The following SEPTIN4 variants were observed in gnomAD, a reference collection of about 807,000 sequenced individuals.
SEPTIN4 encodes the protein septin-4.
SEPTIN4 carries 52 observed loss-of-function variants against 107.1 expected under a neutral mutation model. The ratio of observed to expected loss-of-function variants is 0.49; its 90% CI spans 0.39 to 0.61. The LOEUF is 0.61. Among genes scored for constraint, SEPTIN4 ranks in the 20% least tolerant of loss-of-function variants. The pLI is 0.00. For synonymous variants in SEPTIN4, 417 were observed against 467.0 expected, an observed-to-expected ratio of 0.89 and a Z score of 1.38; for missense variants, 1,048 against 1,243.5, an observed-to-expected ratio of 0.84 and a Z score of 2.36.
intron 3 of SEPTIN4, among the ~76,000 whole-genome samples, chr17:58,536,408 G>A (rs1163059190): frequency 3.3e-5 from 5 of 152,238 alleles, no homozygotes; most frequent in Non-Finnish European, 7.3e-5. Context: ...AATAGGTGTA[G>A]AGAGATGGGA....
Position 58,526,697 on chromosome 17 carries a change from G to A in SEPTIN4, c.1896C>T (p.Pro632=), listed in dbSNP as rs756567287. The A allele has an allele frequency of 6.3e-7, 1 of 1,575,992 alleles. No individual in the cohort carries two copies. Among genetic ancestry groups the A allele is most frequent in the South Asian group, 1.2e-5 (1 of 85,388 alleles). The change falls in exon 4 of 14, where the codon CCC becomes CCT. Residue 632 remains proline, a synonymous_variant. Coordinates refer to ENST00000672673, the MANE Select transcript of SEPTIN4 (RefSeq NM_001368771.2). ...RPRSPWGKLD[P]YDSSEDDKEY... is the part of the protein sequence containing the mutation. ...GAGGCTCTACCTCAGAGGAATCATA[G>A]GGATCAAGCTTGCCCCATGGGCTGC...
intron 3 of SEPTIN4, chr17:58,528,063 G>A: frequency 8.1e-6 from 8 of 983,572 alleles, no homozygotes; most frequent in Non-Finnish European, 9.7e-6. Flanking sequence ...GCTCAGCTCT[G>A]CCTCACAATA....
At chr17:58,534,637 C>T (rs1484300105) in intron 3 of SEPTIN4, among the ~76,000 whole-genome samples, 1 of 152,202 alleles carries the variant, frequency 6.6e-6, no homozygotes. Context: ...CATTGATGGC[C>T]TTGACTACAG....
At chr17:58,539,220 G>C in intron 3 of SEPTIN4, 1 of 1,505,484 alleles carries the variant, frequency 6.6e-7, no homozygotes, top group Non-Finnish European at 8.9e-7. Flanking sequence ...TGTAATTATC[G>C]AGACCGGATA....
In SEPTIN4 at chr17:58,544,297, G is replaced by A; in HGVS notation, c.-111C>T. 1 of 1,416,992 alleles carries A rather than the reference G, an allele frequency of 7.1e-7. No individual in the cohort carries two copies. The highest frequency in any genetic ancestry group is 1.4e-5 in the South Asian group (1 of 71,716). The allele number at this position is 1,416,992 out of a possible 1,614,324, so 87.8% of individuals were successfully genotyped here. On this transcript the variant is annotated 5_prime_UTR_variant, in exon 1 of 14. Coordinates refer to ENST00000672673, the MANE Select transcript of SEPTIN4 (RefSeq NM_001368771.2). ...CTGTTTTAAAGCTGCTGTTTCTTGG[G>A]CTCCCACAAAAGTGGCTGTTGTTCT... is the stretch of plus-strand genomic sequence containing the variant.
At position 58,543,999 on chromosome 17, in the gene SEPTIN4, G is replaced by C. The variant is rs531472561; in HGVS notation, c.188C>G (p.Ser63Ter). 28 of 1,613,932 alleles carry C rather than the reference G, an allele frequency of 1.7e-5. No individual in the cohort carries two copies. Among genetic ancestry groups the C allele is most frequent in the Non-Finnish European group, 2.4e-5 (28 of 1,179,882 alleles). ...GACAGATCGAGGGTAGTCTGATGCT[G>C]AATGGGGAGTGGTGGGATGTGCAGC... The part of the protein sequence containing the change: ...SEAAHPTTPH[S>*]ASDYPRSVSL... The change falls in exon 1 of 14, where the codon TCA becomes TGA. Residue 63 changes from serine (S) to a stop codon, truncating the protein, a stop_gained. Coordinates refer to ENST00000672673, the MANE Select transcript of SEPTIN4 (RefSeq NM_001368771.2). LOFTEE classifies it high-confidence loss of function.
intron 7 of SEPTIN4, 88 bp from the exon 8 acceptor site, chr17:58,522,189 G>A: frequency 6.5e-7 from 1 of 1,534,860 alleles, no homozygotes; most frequent in Non-Finnish European, 8.9e-7. Flanking sequence ...CCCACTCCCT[G>A]AGCAGTGTTT....
rs189466054 is a variant in SEPTIN4, at chr17:58,533,249, A to C, written c.1615-6271T>G. Among the ~76,000 whole-genome samples, 8 of 152,276 alleles carry C rather than the reference A, an allele frequency of 5.3e-5. No homozygotes were observed. The East Asian group carries it at 1.5e-3, about 29-fold the overall frequency. Reference sequence around the variant, plus strand: ...CTGGAGATGTTATTGGCTGTTTGGCACTGGTGGACTGGAAGATGGCAGGGT... The same window carrying C: ...CTGGAGATGTTATTGGCTGTTTGGCCCTGGTGGACTGGAAGATGGCAGGGT... On this transcript the variant is annotated intron_variant, in intron 3 of 13. Transcript: ENST00000672673.
At position 58,521,429 on chromosome 17, in the gene SEPTIN4, T is replaced by A. The variant is rs2042257555; in HGVS notation, c.2572-79A>T. On this transcript the variant is annotated intron_variant, in intron 10 of 13. Coordinates refer to ENST00000672673, the MANE Select transcript of SEPTIN4 (RefSeq NM_001368771.2). This position sits in a 1 kb window ranked among gnomAD's most constrained non-coding sequence, Gnocchi z 6.4. Reference sequence around the variant, plus strand: ...CCACCTGTATCGTCATCTTCTCTGCTTCATTCTAGGAAGCCAGGGTCCTTT... The same window carrying A: ...CCACCTGTATCGTCATCTTCTCTGCATCATTCTAGGAAGCCAGGGTCCTTT... 3.2e-6 allele frequency: 5 copies of A among 1,571,352 alleles called. No individual in the cohort carries two copies. Among genetic ancestry groups the A allele is most frequent in the Non-Finnish European group, 4.4e-6 (5 of 1,141,630 alleles).
At chr17:58,524,998 T>A (rs2042687542) in intron 7 of SEPTIN4, 80 bp downstream of exon 7, 3 of 1,581,982 alleles carry the variant, frequency 1.9e-6, no homozygotes, top group Non-Finnish European at 2.6e-6. Context: ...TAAGTATGGA[T>A]ATATCTGGGC....
intron 2 of SEPTIN4, chr17:58,541,699 T>TA (rs1685920519): frequency 5.2e-6 from 7 of 1,337,120 alleles, no homozygotes; most frequent in Non-Finnish European, 7.2e-6. Flanking sequence ...AACTTCCTGT[T>TA]AAAAGGAGAC....
At position 58,521,119 on chromosome 17, in the gene SEPTIN4, T is replaced by C. The variant is rs1046746398; in HGVS notation, c.2710A>G (p.Met904Val). ...GHCDFVKLRT[M>V]LVRTHMQDLK... ...TCCTGCATGTGGGTACGTACCAGCA[T>C]TGTCCTCAGCTTCACAAAGTCGCAG... The change falls in exon 12 of 14, where the codon ATG becomes GTG. Residue 904 changes from methionine to valine, a missense_variant. This residue lies in a region of SEPTIN4 where 261 missense variants were observed against 371.7 expected (regional missense o/e 0.70). Coordinates refer to ENST00000672673, the MANE Select transcript of SEPTIN4 (RefSeq NM_001368771.2). The surrounding 1 kb of genome is among the most constrained non-coding windows in gnomAD (Gnocchi z 6.4). 6.2e-7 allele frequency: 1 copy of C among 1,614,168 alleles called. No homozygotes were observed. Among genetic ancestry groups the C allele is most frequent in the Non-Finnish European group, 8.5e-7 (1 of 1,180,026 alleles).
rs145491268 is a variant in SEPTIN4 at position 58,542,875 on chromosome 17, G to A, written c.1312C>T (p.Pro438Ser). 72 of 1,614,088 alleles carry A rather than the reference G, an allele frequency of 4.5e-5. 1 individual carries two copies. Among genetic ancestry groups the A allele is most frequent in the Middle Eastern group, 1.6e-4 (1 of 6,084 alleles). The change falls in exon 1 of 14, where the codon CCC becomes TCC. Residue 438 changes from proline (P) to serine (S), a missense_variant. By Grantham distance (74) the Pro-to-Ser change is moderately conservative. Around this residue, in one of 2 missense-constraint regions of SEPTIN4, gnomAD observed 787 missense variants for 871.8 expected, o/e 0.90. Transcript: ENST00000672673. ...WPLLNPEVET[P>S]QSQLTTPDFE... ...TCCGGTGTTGTCAGCTGGCTTTGGG[G>A]TGTTTCAACTTCAGGATTCAGCAAG...
rs1318217442 is a variant in SEPTIN4, at chr17:58,536,238, T to G, written c.1614+4428A>C. On this transcript the variant is annotated intron_variant, in intron 3 of 13. Coordinates refer to ENST00000672673, the MANE Select transcript of SEPTIN4 (RefSeq NM_001368771.2). The stretch of plus-strand genomic sequence containing the variant: ...GAAATAGGGAGAATAAATCCACTCA[T>G]AGGTTACTATGAAAACCCACTAATG... Among the ~76,000 whole-genome samples, 2 of 152,210 alleles carry G rather than the reference T, an allele frequency of 1.3e-5. 1 individual carries two copies. The highest frequency in any genetic ancestry group is 4.1e-4 in the South Asian group (2 of 4,834).
At position 58,543,746 on chromosome 17, in the gene SEPTIN4, A is replaced by C. The variant is rs774298953; in HGVS notation, c.441T>G (p.Ala147=). The part of the protein sequence containing the change: ...SKSGREVGHH[A]SSIPDAKSTH... ...TAGATTTGGCATCTGGGATTGATGAAGCATGATGGCCGACCTCGCGCCCTG... is the reference window on the plus strand; with the variant it reads ...TAGATTTGGCATCTGGGATTGATGACGCATGATGGCCGACCTCGCGCCCTG... Residue 147 remains alanine (A), a synonymous_variant, in exon 1 of 14, where the codon GCT becomes GCG. Coordinates refer to ENST00000672673, the MANE Select transcript of SEPTIN4 (RefSeq NM_001368771.2). 1 of 1,614,218 alleles carries C rather than the reference A, an allele frequency of 6.2e-7. No individual in the cohort carries two copies. Among genetic ancestry groups the C allele is most frequent in the African/African-American group, 1.3e-5 (1 of 75,050 alleles).
In SEPTIN4 at chr17:58,525,166, C is replaced by A. The variant is rs1040232120; in HGVS notation, c.2128G>T (p.Ala710Ser). The A allele has an allele frequency of 1.2e-6, 2 of 1,614,194 alleles. No homozygotes were observed. The highest frequency in any genetic ancestry group is 1.7e-6 in the Non-Finnish European group (2 of 1,180,034). Residue 710 changes from alanine (A) to serine (S), a missense_variant, in exon 7 of 14, where the codon GCA (alanine) becomes TCA (serine). Physicochemically the swap from Ala to Ser is moderately conservative, Grantham distance 99. Transcript: ENST00000672673. Reference protein sequence around the residue: ...IMQTVEITKHAVDIEEKGVRL... With the variant: ...IMQTVEITKHSVDIEEKGVRL... ...ACACCCTTCTCTTCTATGTCCACTG[C>A]ATGCTTAGTGATCTCCACAGTTTGC...
At chr17:58,531,873 C>G (rs1236089388) in intron 3 of SEPTIN4, 1 of 1,089,336 alleles carries the variant, frequency 9.2e-7, no homozygotes. Flanking sequence ...GCTGCGGTGC[C>G]GCGGGTCCCC....
chr17:58,542,552 G>T, intron 1 of SEPTIN4, 74 bp downstream of exon 1: 2 of 1,523,998 alleles, frequency 1.3e-6, no homozygotes, highest in Non-Finnish European at 1.8e-6. Context: ...TGAAGAGGTG[G>T]TCTTTCCTGC....
chr17:58,525,593 G>T, intron 6 of SEPTIN4, 102 bp downstream of exon 6: 3 of 1,027,206 alleles, frequency 2.9e-6, no homozygotes, highest in South Asian at 1.3e-5. Context: ...TCTCTAGGAG[G>T]CCATGGTTTC....
Sources: gnomAD v4.1 joint callset for allele counts (sites outside exome capture counted in the v4.1 genomes callset) on GRCh38, gnomAD v4.1.1 for gene constraint, gnomAD v4.1.1 regional missense constraint, Gnocchi (gnomAD v3.1) non-coding constraint, MANE v1.5 for transcripts, NCBI Gene and HGNC (gene_info 2026-07-23, HGNC 2026-07-21) for gene names.